Variants in CDK13 observed in about 807,000 individuals in gnomAD.
The protein encoded by CDK13 is cyclin dependent kinase 13.
In CDK13, 40 loss-of-function variants were observed where a neutral mutation model predicts 137.6. That is an observed-to-expected ratio of 0.29 (90% CI 0.23 to 0.38). CDK13 has a LOEUF of 0.38. Ranked by LOEUF, CDK13 falls within the 10% of genes least tolerant of loss-of-function variation. The pLI, the probability that CDK13 is intolerant of heterozygous loss-of-function variation, is 1.00. For missense variants in CDK13, 1,704 were observed against 1,951.8 expected (o/e 0.87, Z 2.39); for synonymous variants, 869 against 760.1 (o/e 1.14, Z -2.36).
At chr7:40,057,082 G>A (rs921799075) in intron 7 of CDK13, among the ~76,000 whole-genome samples, 1 of 152,080 alleles carries the variant, frequency 6.6e-6, no homozygotes, top group Non-Finnish European at 1.5e-5. Flanking sequence ...TGGTGAAACC[G>A]CATCTCTACT....
intron 5 of CDK13, among the ~76,000 whole-genome samples, chr7:40,040,915 A>G (rs372088814): frequency 1.9e-4 from 29 of 152,186 alleles, no homozygotes; most frequent in African/African-American, 6.3e-4. Flanking sequence ...TAGCTTTCCT[A>G]TGTCAATTCT....
chr7:39,958,442 G>A (rs551974939), intron 1 of CDK13, among the ~76,000 whole-genome samples: 1 of 152,162 alleles, frequency 6.6e-6, no homozygotes, highest in South Asian at 2.1e-4. Flanking sequence ...GAGATTAAAA[G>A]GCCCCTTAGG....
At chr7:40,068,433 C>T (rs1488274216) in intron 9 of CDK13, among the ~76,000 whole-genome samples, 3 of 151,798 alleles carry the variant, frequency 2.0e-5, no homozygotes, top group East Asian at 1.9e-4. Flanking sequence ...CAATGGCTCA[C>T]GCCTCTAGTC....
intron 5 of CDK13, among the ~76,000 whole-genome samples, chr7:40,030,658 C>G (rs1003870576): frequency 6.6e-6 from 1 of 151,722 alleles, no homozygotes; most frequent in African/African-American, 2.4e-5. Context: ...CTTGGCCTCC[C>G]AAAGTGCTGG....
chr7:39,970,933 T>C (rs1022787929), intron 1 of CDK13, among the ~76,000 whole-genome samples: 1 of 152,250 alleles, frequency 6.6e-6, no homozygotes, highest in African/African-American at 2.4e-5. Context: ...GCTGGAGGAA[T>C]GGCTTTGAAC....
chr7:40,032,008 C>T (rs1258891245), intron 5 of CDK13, among the ~76,000 whole-genome samples: 1 of 151,854 alleles, frequency 6.6e-6, no homozygotes, highest in East Asian at 1.9e-4. Flanking sequence ...CCCAGTCTGA[C>T]TTGTCTTTTC....
chr7:40,011,657 G>C (rs1784896972), intron 5 of CDK13, among the ~76,000 whole-genome samples: 1 of 152,146 alleles, frequency 6.6e-6, no homozygotes, highest in Non-Finnish European at 1.5e-5. Context: ...TGACTTAAAT[G>C]TAAGCACTAA....
chr7:40,000,713 A>C (rs1784664584), intron 4 of CDK13, among the ~76,000 whole-genome samples: 1 of 152,258 alleles, frequency 6.6e-6, no homozygotes, highest in South Asian at 2.1e-4. Flanking sequence ...AAAACTGTTA[A>C]GTAAAACGGA....
At chr7:40,064,342 G>A (rs897455022) in intron 9 of CDK13, among the ~76,000 whole-genome samples, 5 of 150,394 alleles carry the variant, frequency 3.3e-5, no homozygotes, top group South Asian at 2.1e-4. Flanking sequence ...TAATGTAAAC[G>A]TGCAACTTAT....
chr7:39,992,555 C>T (rs1784485705), intron 2 of CDK13, among the ~76,000 whole-genome samples: 1 of 151,772 alleles, frequency 6.6e-6, no homozygotes, highest in Non-Finnish European at 1.5e-5. Context: ...AGAATAAGGT[C>T]AGTCTCCTGC....
rs954831109 is a variant in CDK13, at chr7:40,059,482, C to T, written c.2601-3344C>T. Among the ~76,000 whole-genome samples the T allele has an allele frequency of 2.2e-4, 34 of 152,210 alleles. 2 individuals carry two copies. Among genetic ancestry groups the T allele is most frequent in the Non-Finnish European group, 5.9e-5 (4 of 68,036 alleles). ...TTAAGCAATTCTCTGCCTCAGCCTC[C>T]CAATTAGCTGGGATTACAGATGCAT... On this transcript the variant is annotated intron_variant, in intron 7 of 13. Transcript: ENST00000181839.
chr7:40,011,380 CA>C (rs1784890611), intron 5 of CDK13, among the ~76,000 whole-genome samples: 2 of 152,120 alleles, frequency 1.3e-5, no homozygotes, highest in African/African-American at 2.4e-5. Context: ...TTACATAAAT[CA>C]AAATCTTCCT....
At chr7:40,078,174 C>T (rs1331959313) in intron 10 of CDK13, 53 bp downstream of exon 10, 1 of 850,494 alleles carries the variant, frequency 1.2e-6, no homozygotes, top group Non-Finnish European at 1.9e-6. Flanking sequence ...TACTTTAATT[C>T]TAGTGAATTA....
At chr7:39,993,392 C>A (rs989794028) in intron 2 of CDK13, among the ~76,000 whole-genome samples, 7 of 152,154 alleles carry the variant, frequency 4.6e-5, no homozygotes, top group Non-Finnish European at 8.8e-5. Context: ...CTCCTATAAG[C>A]TGACTCCTTT....
At chr7:40,075,698 T>C (rs1474933912) in intron 9 of CDK13, among the ~76,000 whole-genome samples, 1 of 152,178 alleles carries the variant, frequency 6.6e-6, no homozygotes, top group African/African-American at 2.4e-5. Flanking sequence ...TCATTATACA[T>C]AGGCAAAGTA....
rs1366807313 is a variant in CDK13, at chr7:40,002,046, T to C, written c.2353+15T>C. 6.5e-7 allele frequency: 1 copy of C among 1,549,980 alleles called. No individual in the cohort carries two copies. Among genetic ancestry groups the C allele is most frequent in the Non-Finnish European group, 8.7e-7 (1 of 1,151,960 alleles). On this transcript the variant is annotated intron_variant, in intron 5 of 13. Transcript: ENST00000181839. Reference sequence around the variant, plus strand: ...GAAGGACAAAGGTATGTGTGCATATTTAAATAACGAATTTTTTGTATTCAT... The same window carrying C: ...GAAGGACAAAGGTATGTGTGCATATCTAAATAACGAATTTTTTGTATTCAT...
At chr7:40,084,799 C>T (rs1772194209) in intron 11 of CDK13, among the ~76,000 whole-genome samples, 1 of 152,118 alleles carries the variant, frequency 6.6e-6, no homozygotes, top group South Asian at 2.1e-4. Context: ...CAGTACTACC[C>T]CATGAGGTAG....
intron 7 of CDK13, among the ~76,000 whole-genome samples, chr7:40,049,693 G>A (rs1178635605): frequency 6.6e-6 from 1 of 151,950 alleles, no homozygotes; most frequent in African/African-American, 2.4e-5. Context: ...ATTTACTTTT[G>A]TCTAACTGAA....
At chr7:39,977,487 C>T (rs955268206) in intron 1 of CDK13, among the ~76,000 whole-genome samples, 1 of 152,040 alleles carries the variant, frequency 6.6e-6, no homozygotes, top group East Asian at 1.9e-4. Flanking sequence ...GTGATGGGAT[C>T]GTAGGACAAG....
Sources: gnomAD v4.1 joint callset for allele counts (sites outside exome capture counted in the v4.1 genomes callset) on GRCh38, gnomAD v4.1.1 for gene constraint, MANE v1.5 for transcripts, NCBI Gene and HGNC (gene_info 2026-07-23, HGNC 2026-07-21) for gene names.